The following ZNF385B variants were observed in gnomAD, a reference collection of about 807,000 sequenced individuals.
ZNF385B encodes the protein zinc finger protein 385B.
ZNF385B carries 23 observed loss-of-function variants against 39.2 expected under a neutral mutation model. The ratio of observed to expected loss-of-function variants is 0.59; its 90% CI spans 0.42 to 0.83. The LOEUF is 0.83. Among genes scored for constraint, ZNF385B ranks in the 40% least tolerant of loss-of-function variants. ZNF385B has a pLI of 0.00. For missense variants in ZNF385B, 552 were observed against 598.9 expected (o/e 0.92, Z 0.82); for synonymous variants, 205 against 222.6 (o/e 0.92, Z 0.70).
intron 3 of ZNF385B, among the ~76,000 whole-genome samples, chr2:179,594,883 T>C (rs1217111596): frequency 6.6e-6 from 1 of 151,970 alleles, no homozygotes; most frequent in African/African-American, 2.4e-5. Context: ...CATGGTTTAC[T>C]GCAGGCTCAA....
chr2:179,517,895 T>C (rs1189434816), intron 5 of ZNF385B, among the ~76,000 whole-genome samples: 1 of 152,184 alleles, frequency 6.6e-6, no homozygotes, highest in African/African-American at 2.4e-5. Context: ...TAAAATAGTT[T>C]ATGAAACTTT....
chr2:179,678,618 A>C (rs969747762), intron 3 of ZNF385B, among the ~76,000 whole-genome samples: 2 of 152,224 alleles, frequency 1.3e-5, no homozygotes, highest in Non-Finnish European at 2.9e-5. Flanking sequence ...GATGATTGAC[A>C]AACTAGGAAA....
At chr2:179,860,418 A>G (rs1029964585) in intron 1 of ZNF385B, among the ~76,000 whole-genome samples, 3 of 152,080 alleles carry the variant, frequency 2.0e-5, no homozygotes, top group Admixed American at 1.3e-4. Flanking sequence ...GCCCCCGCAC[A>G]TAACAGTGGC....
intron 5 of ZNF385B, among the ~76,000 whole-genome samples, chr2:179,494,304 C>A (rs2055913387): frequency 6.6e-6 from 1 of 151,970 alleles, no homozygotes; most frequent in South Asian, 2.1e-4. Context: ...AGAAGAGCAA[C>A]CTTGTTTGGC....
intron 1 of ZNF385B, among the ~76,000 whole-genome samples, chr2:179,771,872 T>A (rs944786810): frequency 2.0e-5 from 3 of 152,144 alleles, no homozygotes; most frequent in African/African-American, 7.2e-5. Context: ...GAAAAGCCAA[T>A]AACGTTTAAC....
intron 3 of ZNF385B, among the ~76,000 whole-genome samples, chr2:179,740,427 T>A (rs1702020520): frequency 6.6e-6 from 1 of 152,188 alleles, no homozygotes; most frequent in Non-Finnish European, 1.5e-5. Flanking sequence ...CATCTTTTTG[T>A]CATTCAATTG....
At chr2:179,469,144 CT>C (rs1355779250) in intron 6 of ZNF385B, among the ~76,000 whole-genome samples, 20 of 152,092 alleles carry the variant, frequency 1.3e-4, no homozygotes. Flanking sequence ...AGTAGCCATT[CT>C]TTTTGCTTCT....
intron 1 of ZNF385B, among the ~76,000 whole-genome samples, chr2:179,807,860 A>C (rs1375535602): frequency 6.9e-6 from 1 of 144,702 alleles, no homozygotes; most frequent in Non-Finnish European, 1.5e-5. Context: ...ACGCCACTGC[A>C]CTCCAACCTG....
chr2:179,809,684 C>A (rs956520919), intron 1 of ZNF385B, among the ~76,000 whole-genome samples: 7 of 151,864 alleles, frequency 4.6e-5, no homozygotes, highest in Admixed American at 3.9e-4. Context: ...TTTGAAAAAC[C>A]TAATGGGTCA....
At chr2:179,572,218 A>T (rs551212162) in intron 3 of ZNF385B, among the ~76,000 whole-genome samples, 8 of 152,106 alleles carry the variant, frequency 5.3e-5, no homozygotes, top group Non-Finnish European at 1.2e-4. Context: ...ATTTATGAAT[A>T]AAAAAATCCA....
chr2:179,857,613 G>T (rs1684704837), intron 1 of ZNF385B, among the ~76,000 whole-genome samples: 1 of 152,284 alleles, frequency 6.6e-6, no homozygotes, highest in Middle Eastern at 3.4e-3. Context: ...GTCTCAAATT[G>T]TATCAAGGAG....
intron 1 of ZNF385B, among the ~76,000 whole-genome samples, chr2:179,816,238 T>G (rs376228658): frequency 6.6e-6 from 1 of 152,196 alleles, no homozygotes. Flanking sequence ...CCACTTCAAA[T>G]AGAGCTGCAA....
intron 3 of ZNF385B, among the ~76,000 whole-genome samples, chr2:179,700,302 T>C (rs1305922807): frequency 6.6e-6 from 1 of 152,222 alleles, no homozygotes; most frequent in Non-Finnish European, 1.5e-5. Context: ...GTCACGTTTA[T>C]TCCACTGGAT....
intron 3 of ZNF385B, chr2:179,746,009 C>T: frequency 8.7e-7 from 1 of 1,143,972 alleles, no homozygotes; most frequent in Non-Finnish European, 1.1e-6. Flanking sequence ...AATTTCAATT[C>T]TATATCTCCA....
At chr2:179,657,670 A>G (rs186635453) in intron 3 of ZNF385B, among the ~76,000 whole-genome samples, 35 of 152,374 alleles carry the variant, frequency 2.3e-4, no homozygotes, top group Non-Finnish European at 4.4e-4. Context: ...AATCCTAGAA[A>G]GTGTTGTGAA....
At chr2:179,595,073 T>A (rs1687887938) in intron 3 of ZNF385B, among the ~76,000 whole-genome samples, 1 of 152,170 alleles carries the variant, frequency 6.6e-6, no homozygotes, top group Non-Finnish European at 1.5e-5. Context: ...ATAAAAATAA[T>A]CTTTTATCTT....
At chr2:179,657,500 T>A (rs1233068102) in intron 3 of ZNF385B, among the ~76,000 whole-genome samples, 1 of 152,312 alleles carries the variant, frequency 6.6e-6, no homozygotes, top group East Asian at 1.9e-4. Flanking sequence ...AACTTTTTAC[T>A]CCTCCAGGCC....
chr2:179,483,473 T>C, intron 5 of ZNF385B, 39 bp from the exon 6 acceptor site: 1 of 1,612,246 alleles, frequency 6.2e-7, no homozygotes, highest in Non-Finnish European at 8.5e-7. Flanking sequence ...TTTTTGCTAA[T>C]TACAAACACC....
chr2:179,454,909 C>A (rs1425744551), intron 6 of ZNF385B, among the ~76,000 whole-genome samples: 1 of 152,062 alleles, frequency 6.6e-6, no homozygotes, highest in African/African-American at 2.4e-5. Flanking sequence ...TTACATTAAG[C>A]TGAGGTTAAT....
Sources: gnomAD v4.1 joint callset for allele counts (sites outside exome capture counted in the v4.1 genomes callset) on GRCh38, gnomAD v4.1.1 for gene constraint, MANE v1.5 for transcripts, NCBI Gene and HGNC (gene_info 2026-07-23, HGNC 2026-07-21) for gene names.